Variants in KLF8 observed in about 807,000 individuals in gnomAD.
KLF8 encodes KLF transcription factor 8.
In KLF8, 10 loss-of-function variants were observed where a neutral mutation model predicts 18.2. That is an observed-to-expected ratio of 0.55 (90% CI 0.34 to 0.93). KLF8 has a LOEUF of 0.93. KLF8 is among the 40% of genes least tolerant of loss of function. KLF8 has a pLI of 0.02. For missense variants in KLF8, 264 were observed against 277.9 expected (o/e 0.95, Z 0.36); for synonymous variants, 109 against 97.3 (o/e 1.12, Z -0.71).
At chrX:56,004,838 T>C in the KLF8 span, among the ~76,000 whole-genome samples, 1 of 110,724 alleles carries the variant, frequency 9.0e-6, no homozygotes, top group Non-Finnish European at 1.9e-5. Context: ...AGGTTAGGTA[T>C]TGAAGACAAG....
At chrX:55,970,665 C>A in the KLF8 span, among the ~76,000 whole-genome samples, 5 of 111,003 alleles carry the variant, frequency 4.5e-5, no homozygotes, top group Non-Finnish European at 9.5e-5. Context: ...TTTGGAAAAA[C>A]CTAAAGACAC....
the KLF8 span, among the ~76,000 whole-genome samples, chrX:56,005,484 G>T: frequency 9.0e-6 from 1 of 111,726 alleles, no homozygotes; most frequent in Non-Finnish European, 1.9e-5. Flanking sequence ...GTGTGGGGTT[G>T]CTGGTCTCCA....
chrX:56,153,910 A>G, the KLF8 span, among the ~76,000 whole-genome samples: 43 of 111,421 alleles, frequency 3.9e-4, no homozygotes, highest in African/African-American at 1.3e-3. Context: ...ACTACAAACC[A>G]CTGCTCAGTG....
At chrX:56,051,169 C>A in the KLF8 span, among the ~76,000 whole-genome samples, 3 of 111,266 alleles carry the variant, frequency 2.7e-5, no homozygotes, top group Admixed American at 1.9e-4. Flanking sequence ...TGTCTCTGTA[C>A]GTGAGATGGG....
At chrX:55,990,877 G>A in the KLF8 span, among the ~76,000 whole-genome samples, 2 of 111,367 alleles carry the variant, frequency 1.8e-5, no homozygotes, top group Non-Finnish European at 3.8e-5. Context: ...TCTCAGAGGA[G>A]TACCCAGCCG....
the KLF8 span, among the ~76,000 whole-genome samples, chrX:56,218,010 C>T: frequency 1.8e-5 from 2 of 110,249 alleles, no homozygotes; most frequent in African/African-American, 6.6e-5. Flanking sequence ...GTCAGAGATG[C>T]GACTACTGAG....
intron 5 of KLF8, among the ~76,000 whole-genome samples, chrX:56,282,664 G>T: frequency 8.9e-6 from 1 of 111,808 alleles, no homozygotes; most frequent in Non-Finnish European, 1.9e-5. Flanking sequence ...AATTTACAGG[G>T]AGTAAAGGGG....
chrX:56,062,868 A>G, the KLF8 span, among the ~76,000 whole-genome samples: 1 of 110,109 alleles, frequency 9.1e-6, no homozygotes, highest in Non-Finnish European at 1.9e-5. Context: ...GCTCCTTTTC[A>G]TTCTTTTTTT....
the KLF8 span, among the ~76,000 whole-genome samples, chrX:55,992,443 T>C: frequency 8.9e-6 from 1 of 111,927 alleles, no homozygotes; most frequent in African/African-American, 3.2e-5. Flanking sequence ...CTCTAACCTG[T>C]TCCATTCATC....
the KLF8 span, among the ~76,000 whole-genome samples, chrX:56,131,387 A>G: frequency 9.6e-4 from 107 of 111,725 alleles, 2 homozygotes; most frequent in Non-Finnish European, 1.7e-4. Context: ...TCCAGTGAAA[A>G]TAAGCTTCAT....
chrX:56,270,967 A>G (rs1297904056), intron 5 of KLF8, among the ~76,000 whole-genome samples: 1 of 112,214 alleles, frequency 8.9e-6, no homozygotes, highest in Non-Finnish European at 1.9e-5. Flanking sequence ...TCAACCAACC[A>G]CAAATCAAAA....
At chrX:56,030,263 T>C in the KLF8 span, among the ~76,000 whole-genome samples, 1 of 111,433 alleles carries the variant, frequency 9.0e-6, no homozygotes. Flanking sequence ...TCAGATCCCA[T>C]TGAGGGTCCA....
the KLF8 span, among the ~76,000 whole-genome samples, chrX:56,105,593 C>T: frequency 9.4e-6 from 1 of 106,482 alleles, no homozygotes; most frequent in Non-Finnish European, 1.9e-5. Context: ...TATTTTGAGC[C>T]TATGTGTGTC....
the KLF8 span, among the ~76,000 whole-genome samples, chrX:56,200,044 G>A: frequency 4.7e-4 from 52 of 111,190 alleles, no homozygotes; most frequent in African/African-American, 1.6e-3. Context: ...AGATCACTTG[G>A]ACACAGGGCA....
At chrX:56,222,398 C>T in the KLF8 span, among the ~76,000 whole-genome samples, 87 of 111,218 alleles carry the variant, frequency 7.8e-4, 1 homozygote, top group South Asian at 0.033. Flanking sequence ...CATCCACAAA[C>T]CCTGAGCTAG....
chrX:56,167,909 A>C, the KLF8 span, among the ~76,000 whole-genome samples: 2 of 111,848 alleles, frequency 1.8e-5, no homozygotes, highest in Non-Finnish European at 3.8e-5. Flanking sequence ...AAAGTGGATA[A>C]ATTATTTCCA....
At chrX:56,035,695 G>T in the KLF8 span, among the ~76,000 whole-genome samples, 1 of 111,704 alleles carries the variant, frequency 9.0e-6, no homozygotes, top group Non-Finnish European at 1.9e-5. Context: ...GTTTTGATTT[G>T]CATTTCTTTG....
At chrX:55,964,356 A>G in the KLF8 span, among the ~76,000 whole-genome samples, 1 of 112,292 alleles carries the variant, frequency 8.9e-6, no homozygotes, top group Non-Finnish European at 1.9e-5. Flanking sequence ...CAGGTGGATC[A>G]CTTGAGCCCA....
the KLF8 span, among the ~76,000 whole-genome samples, chrX:56,052,232 G>T: frequency 1.8e-5 from 2 of 111,297 alleles, no homozygotes; most frequent in Admixed American, 1.9e-4. Context: ...CCATAGCTCA[G>T]AGTAATTTGA....
Sources: gnomAD v4.1 joint callset for allele counts (sites outside exome capture counted in the v4.1 genomes callset) on GRCh38, gnomAD v4.1.1 for gene constraint, MANE v1.5 for transcripts, NCBI Gene and HGNC (gene_info 2026-07-23, HGNC 2026-07-21) for gene names.